The following SAMMSON variants were observed in gnomAD, a reference collection of about 807,000 sequenced individuals.
SAMMSON encodes survival associated mitochondrial melanoma specific oncogenic non-coding RNA, also known as long intergenic non-protein coding RNA 1212.
chr3:70,426,803 G>C (rs1200275874), intron 2 of SAMMSON, among the ~76,000 whole-genome samples: 1 of 152,162 alleles, frequency 6.6e-6, no homozygotes, highest in Non-Finnish European at 1.5e-5. Flanking sequence ...TTCAACTATA[G>C]AAAGGATGAA....
intron 9 of SAMMSON, among the ~76,000 whole-genome samples, chr3:70,380,997 T>A (rs1264614323): frequency 1.3e-5 from 2 of 152,220 alleles, no homozygotes; most frequent in East Asian, 1.9e-4. Context: ...TGTGCTGCAA[T>A]AAACATACGT....
At chr3:70,376,133 A>G (rs574377985) in intron 9 of SAMMSON, among the ~76,000 whole-genome samples, 1 of 152,342 alleles carries the variant, frequency 6.6e-6, no homozygotes, top group South Asian at 2.1e-4. Flanking sequence ...AAGAAGATAC[A>G]TATTGTAAGA....
rs191498895 is a variant in SAMMSON, at chr3:70,158,787, T to A, written n.507+87222T>A. On this transcript the variant is annotated intron_variant and non_coding_transcript_variant, in intron 4 of 9. Transcript: ENST00000642114. ...AATCAAAACCTCTTGCAAATTTTAC[T>A]GAGTAGATTAATACTTTAGGAAAAC... Among the ~76,000 whole-genome samples, 250 of 152,220 alleles carry A rather than the reference T, an allele frequency of 1.6e-3. 3 individuals are homozygous for A. The highest frequency in any genetic ancestry group is 5.7e-3 in the African/African-American group (239 of 41,566).
At chr3:70,000,118 A>G (rs140389470) in intron 1 of SAMMSON, among the ~76,000 whole-genome samples, 43 of 152,300 alleles carry the variant, frequency 2.8e-4, no homozygotes, top group Non-Finnish European at 5.3e-4. Context: ...CAAGCTGCCT[A>G]TAGACGGCAA....
chr3:70,033,178 A>G (rs911266079), intron 3 of SAMMSON, among the ~76,000 whole-genome samples: 3 of 152,118 alleles, frequency 2.0e-5, no homozygotes, highest in East Asian at 3.9e-4. Flanking sequence ...AACATTGTCT[A>G]TAGCAATAAC....
intron 1 of SAMMSON, among the ~76,000 whole-genome samples, chr3:70,001,649 T>TG (rs1401756333): frequency 1.3e-5 from 2 of 152,072 alleles, no homozygotes; most frequent in Admixed American, 6.6e-5. Flanking sequence ...GATTTTATTT[T>TG]GGGGGGGAAT....
intron 3 of SAMMSON, among the ~76,000 whole-genome samples, chr3:70,042,644 G>A (rs1041774778): frequency 1.3e-5 from 2 of 152,082 alleles, no homozygotes; most frequent in African/African-American, 2.4e-5. Flanking sequence ...AAGAGGTTGA[G>A]TTGTAGATCT....
Position 70,290,371 on chromosome 3 carries a change from C to T in SAMMSON, n.675-808C>T, listed in dbSNP as rs977134017. Among the ~76,000 whole-genome samples the T allele has an allele frequency of 3.9e-5, 6 of 152,118 alleles. No individual in the cohort carries two copies. In the South Asian group the frequency reaches 8.3e-4, roughly 21 times the overall value. Reference sequence around the variant, plus strand: ...GGGGGTGCCTCCCAGTTAGGCTGCTCGGGGGCCAGGGGTCAGGGACCCACT... The same window carrying T: ...GGGGGTGCCTCCCAGTTAGGCTGCTTGGGGGCCAGGGGTCAGGGACCCACT... On this transcript the variant is annotated intron_variant and non_coding_transcript_variant, in intron 6 of 9. Transcript: ENST00000642114.
chr3:70,001,770 C>G (rs1459371321), intron 1 of SAMMSON, among the ~76,000 whole-genome samples: 1 of 152,118 alleles, frequency 6.6e-6, no homozygotes, highest in East Asian at 1.9e-4. Context: ...TAGACTCAAT[C>G]TCAAGCAGAT....
intron 7 of SAMMSON, among the ~76,000 whole-genome samples, chr3:70,337,986 T>C (rs1417000843): frequency 2.0e-5 from 3 of 151,760 alleles, no homozygotes; most frequent in Non-Finnish European, 2.9e-5. Context: ...ACCCTTTTGA[T>C]TGCAGATTTC....
chr3:70,217,815 C>T (rs1027409482), intron 4 of SAMMSON, among the ~76,000 whole-genome samples: 1 of 152,214 alleles, frequency 6.6e-6, no homozygotes, highest in Middle Eastern at 3.4e-3. Context: ...CTAGTTCTGT[C>T]TCTGAGTTAT....
intron 4 of SAMMSON, among the ~76,000 whole-genome samples, chr3:70,194,656 T>A (rs1378290503): frequency 6.6e-6 from 1 of 152,226 alleles, no homozygotes; most frequent in Non-Finnish European, 1.5e-5. Context: ...CATTACCACA[T>A]AAGACCTGGT....
At chr3:70,197,354 T>C (rs1014644846) in intron 4 of SAMMSON, among the ~76,000 whole-genome samples, 1 of 152,240 alleles carries the variant, frequency 6.6e-6, no homozygotes, top group Non-Finnish European at 1.5e-5. Flanking sequence ...CCCATGTCAG[T>C]ACTCACTCTA....
chr3:70,344,189 A>G (rs982127260), intron 7 of SAMMSON, among the ~76,000 whole-genome samples: 3 of 152,098 alleles, frequency 2.0e-5, no homozygotes, highest in African/African-American at 7.2e-5. Context: ...TCACACTGAA[A>G]AGTTGCCTTT....
chr3:70,247,862 T>C (rs1701722952), intron 4 of SAMMSON, among the ~76,000 whole-genome samples: 1 of 152,074 alleles, frequency 6.6e-6, no homozygotes, highest in South Asian at 2.1e-4. Flanking sequence ...CATGAAGCAC[T>C]AAAATAATAT....
chr3:70,272,796 A>G (rs1344223517), intron 6 of SAMMSON, among the ~76,000 whole-genome samples: 1 of 152,198 alleles, frequency 6.6e-6, no homozygotes, highest in Non-Finnish European at 1.5e-5. Flanking sequence ...AGCATAAATG[A>G]ATATTGCTTG....
At chr3:70,194,924 G>T (rs1348415333) in intron 4 of SAMMSON, among the ~76,000 whole-genome samples, 1 of 152,122 alleles carries the variant, frequency 6.6e-6, no homozygotes, top group Non-Finnish European at 1.5e-5. Context: ...AGAGGGATGG[G>T]ACATAAGGAA....
intron 4 of SAMMSON, among the ~76,000 whole-genome samples, chr3:70,090,259 G>A (rs1411119638): frequency 6.6e-6 from 1 of 152,082 alleles, no homozygotes; most frequent in African/African-American, 2.4e-5. Flanking sequence ...TTTTCTCTGG[G>A]ACATATGAAA....
chr3:70,118,961 A>G (rs996860470), intron 4 of SAMMSON, among the ~76,000 whole-genome samples: 2 of 152,036 alleles, frequency 1.3e-5, no homozygotes, highest in Non-Finnish European at 2.9e-5. Flanking sequence ...TTCCAGCTAC[A>G]CTTAGCAACT....
Sources: gnomAD v4.1 joint callset for allele counts (sites outside exome capture counted in the v4.1 genomes callset) on GRCh38, gnomAD v4.1.1 for gene constraint, MANE v1.5 for transcripts, NCBI Gene and HGNC (gene_info 2026-07-23, HGNC 2026-07-21) for gene names.